The following RPAIN variants were observed in gnomAD, a reference collection of about 807,000 sequenced individuals.
The protein encoded by RPAIN is RPA-interacting protein.
RPAIN carries 29 observed loss-of-function variants against 30.5 expected under a neutral mutation model. The ratio of observed to expected loss-of-function variants is 0.95; its 90% CI spans 0.71 to 1.30. The LOEUF (loss-of-function observed/expected upper bound fraction) is 1.30. Among genes scored for constraint, RPAIN ranks in the 50% most tolerant of loss-of-function variants. The probability of loss-of-function intolerance (pLI) is 0.00; values close to 1 mark genes in which losing one functional copy is unlikely to be tolerated. For synonymous variants in RPAIN, 101 were observed against 93.5 expected, an observed-to-expected ratio of 1.08 and a Z score of -0.46; for missense variants, 247 against 264.7, an observed-to-expected ratio of 0.93 and a Z score of 0.46.
chr17:5,421,214 T>C, intron 1 of RPAIN, 82 bp from the exon 2 acceptor site: 1 of 1,382,580 alleles, frequency 7.2e-7, no homozygotes, highest in East Asian at 2.4e-5. Flanking sequence ...CTTTCTTTAA[T>C]GTTTTCTCAA....
At chr17:5,427,963 A>G in intron 5 of RPAIN, 108 bp from the exon 6 acceptor site, 1 of 1,050,634 alleles carries the variant, frequency 9.5e-7, no homozygotes, top group Non-Finnish European at 1.5e-6. Context: ...CCAAGGAGTC[A>G]AGCCATCACA....
chr17:5,429,224 C>A (rs1351529189), intron 6 of RPAIN: 1 of 984,830 alleles, frequency 1.0e-6, no homozygotes, highest in Non-Finnish European at 1.2e-6. Flanking sequence ...TATGGTGACA[C>A]CTTCCTGGAG....
intron 6 of RPAIN, chr17:5,428,690 G>A (rs1915638263): frequency 2.1e-6 from 2 of 935,562 alleles, no homozygotes; most frequent in Non-Finnish European, 2.6e-6. Flanking sequence ...AGTGGGTAAG[G>A]GAACCACCTG....
At chr17:5,424,725 G>A (rs1189911478) in intron 3 of RPAIN, among the ~76,000 whole-genome samples, 2 of 152,328 alleles carry the variant, frequency 1.3e-5, no homozygotes, top group Non-Finnish European at 2.9e-5. Flanking sequence ...GTTAATATAT[G>A]TAAGGAATTT....
At chr17:5,426,731 T>A (rs1410112140) in intron 5 of RPAIN, 1 of 138,260 alleles carries the variant, frequency 7.2e-6, no homozygotes, top group African/African-American at 2.5e-5. Context: ...ACCTCTGCCT[T>A]GCGGGTTCAA....
intron 6 of RPAIN, chr17:5,431,295 T>C (rs1399747051): frequency 5.4e-6 from 2 of 369,112 alleles, no homozygotes; most frequent in Admixed American, 3.6e-5. Flanking sequence ...AAGACCAGCC[T>C]GGGCAACATG....
Position 5,420,216 on chromosome 17 carries a change from G to T in RPAIN, c.6G>T (p.Ala2=). The T allele has an allele frequency of 6.2e-7, 1 of 1,613,690 alleles. No individual in the cohort carries two copies. ...TTGTCTCCCGCGAAGAGGAGATGGC[G>T]GAGTCGTTGAGGTCTCCGCGCCGCT... M[A]ESLRSPRRSL... is the part of the protein sequence containing the mutation. Residue 2 remains alanine, a synonymous_variant, in exon 1 of 7, where the codon GCG becomes GCT. Transcript: ENST00000381209.
rs777050012 is a variant in RPAIN at position 5,426,275 on chromosome 17, G to T, written c.465G>T (p.Gln155His). The T allele has an allele frequency of 5.2e-5, 84 of 1,613,992 alleles. No homozygotes were observed. Among genetic ancestry groups the T allele is most frequent in the Non-Finnish European group, 6.6e-5 (78 of 1,179,992 alleles). ...TCACAAGCGGTGTGGTGGTGTGTCA[G>T]TGTGGCCTGTCCATCCCATCTCATG... Reference protein sequence around the residue: ...LRITSGVVVCQCGLSIPSHSS... With the variant: ...LRITSGVVVCHCGLSIPSHSS... The change falls in exon 5 of 7, where the codon CAG (glutamine) becomes CAT (histidine). Residue 155 changes from glutamine to histidine, a missense_variant. Coordinates refer to ENST00000381209, the MANE Select transcript of RPAIN (RefSeq NM_001033002.4).
At chr17:5,420,360 C>A in intron 1 of RPAIN, 69 bp downstream of exon 1, 3 of 1,384,400 alleles carry the variant, frequency 2.2e-6, no homozygotes, top group Non-Finnish European at 3.0e-6. Context: ...CCTGCCTTCG[C>A]CTTAGCCCTG....
chr17:5,427,781 C>A, intron 5 of RPAIN: 1 of 435,258 alleles, frequency 2.3e-6, no homozygotes, highest in Non-Finnish European at 4.2e-6. Context: ...GGGGCAGAGG[C>A]AGAGGGAGGC....
intron 6 of RPAIN, chr17:5,431,881 G>A (rs1915995284): frequency 3.1e-6 from 1 of 327,624 alleles, no homozygotes; most frequent in Admixed American, 4.4e-5. Flanking sequence ...ACCCACTTAT[G>A]CCTACTGTTT....
At chr17:5,428,723 C>A in intron 6 of RPAIN, 1 of 1,008,262 alleles carries the variant, frequency 9.9e-7, no homozygotes, top group Non-Finnish European at 1.2e-6. Flanking sequence ...GCTATAGGAA[C>A]CAATATCTCT....
chr17:5,431,896 A>G (rs141105068), intron 6 of RPAIN: 98 of 321,384 alleles, frequency 3.0e-4, no homozygotes, highest in African/African-American at 1.9e-3. Context: ...CTGTTTAATT[A>G]TTGGAACGCT....
intron 1 of RPAIN, 82 bp downstream of exon 1, chr17:5,420,373 C>A: frequency 1.6e-6 from 2 of 1,258,708 alleles, no homozygotes; most frequent in South Asian, 2.7e-5. Context: ...TAGCCCTGCT[C>A]CGTGGAGCAG....
Position 5,432,807 on chromosome 17 carries a change from CA to C in RPAIN, c.*237del. On this transcript the variant is annotated 3_prime_UTR_variant, in exon 7 of 7. Transcript: ENST00000381209. ...GGAGATAAACCAATTTTATGTCTAT[CA>C]TGTTATACAAAAATCTAGAAATAAT... is the stretch of plus-strand genomic sequence containing the variant. The C allele has an allele frequency of 2.4e-6, 2 of 823,220 alleles. No individual in the cohort carries two copies. The highest frequency in any genetic ancestry group is 3.6e-6 in the Non-Finnish European group (2 of 557,328). The allele number at this position is 823,220 out of a possible 1,614,324, so 51.0% of individuals were successfully genotyped here. A position where few individuals can be genotyped will look rare whatever the true frequency, so the allele number is the denominator to read the frequency against.
At chr17:5,430,386 G>T (rs1222347988) in intron 6 of RPAIN, 1 of 152,398 alleles carries the variant, frequency 6.6e-6, no homozygotes, top group African/African-American at 2.4e-5. Flanking sequence ...AGAATCACTT[G>T]AACCCAGGAA....
intron 3 of RPAIN, chr17:5,423,068 C>T (rs1015485458): frequency 2.4e-6 from 1 of 414,654 alleles, no homozygotes; most frequent in Admixed American, 3.9e-5. Context: ...CTCCATGTGA[C>T]TGCCCTGTAA....
chr17:5,424,697 GATA>G (rs952487648), intron 3 of RPAIN, among the ~76,000 whole-genome samples: 2 of 152,164 alleles, frequency 1.3e-5, no homozygotes, highest in African/African-American at 2.4e-5. Context: ...TTGAAATAAG[GATA>G]ATAATAGTGA....
chr17:5,426,324 A>C, intron 5 of RPAIN, 25 bp downstream of exon 5: 2 of 1,591,890 alleles, frequency 1.3e-6, no homozygotes, highest in Non-Finnish European at 1.7e-6. Context: ...CACAGATTTC[A>C]TGATACTTCT....
Sources: allele counts gnomAD v4.1 joint callset (sites outside exome capture counted in the v4.1 genomes callset), GRCh38; gene constraint gnomAD v4.1.1; transcripts MANE v1.5; gene names NCBI Gene and HGNC (gene_info 2026-07-23, HGNC 2026-07-21).